RHOH: variants seen among roughly 807,000 people sequenced by gnomAD.
RHOH encodes rho-related GTP-binding protein RhoH.
In RHOH, 6 loss-of-function variants were observed where a neutral mutation model predicts 13.8. The observed-to-expected ratio is 0.44, with a 90% CI of 0.24 to 0.86. The LOEUF (loss-of-function observed/expected upper bound fraction) is 0.86, where lower values mean the gene tolerates loss of function less well. RHOH is among the 40% of genes least tolerant of loss of function. The pLI is 0.24. For synonymous variants in RHOH, 117 were observed against 103.0 expected, an observed-to-expected ratio of 1.14 and a Z score of -0.82; for missense variants, 147 against 244.5, an observed-to-expected ratio of 0.60 and a Z score of 2.66.
At chr4:40,209,148 T>G (rs999422888) in intron 1 of RHOH, among the ~76,000 whole-genome samples, 5 of 152,238 alleles carry the variant, frequency 3.3e-5, no homozygotes, top group African/African-American at 1.2e-4. Flanking sequence ...TTTCTGACAT[T>G]TTGAAAGAAA....
chr4:40,199,606 C>A (rs1723702530), intron 1 of RHOH, among the ~76,000 whole-genome samples: 1 of 152,222 alleles, frequency 6.6e-6, no homozygotes, highest in Non-Finnish European at 1.5e-5. Context: ...ACGTCGCTCT[C>A]TGAACGCTTG....
At chr4:40,238,921 C>T (rs1038913264) in intron 1 of RHOH, among the ~76,000 whole-genome samples, 1 of 152,176 alleles carries the variant, frequency 6.6e-6, no homozygotes, top group Non-Finnish European at 1.5e-5. Flanking sequence ...ATCAGACTCA[C>T]ATGCTGATGA....
intron 1 of RHOH, among the ~76,000 whole-genome samples, chr4:40,231,721 G>C (rs187275038): frequency 6.6e-6 from 1 of 152,290 alleles, no homozygotes; most frequent in African/African-American, 2.4e-5. Context: ...CATCTGCTCT[G>C]GATAAAGTCA....
chr4:40,207,784 T>C (rs962620739), intron 1 of RHOH, among the ~76,000 whole-genome samples: 4 of 152,128 alleles, frequency 2.6e-5, no homozygotes, highest in Non-Finnish European at 5.9e-5. Flanking sequence ...CTGGCCAACA[T>C]AGTGAAACCT....
upstream of RHOH, among the ~76,000 whole-genome samples, chr4:40,194,135 T>G (rs910447769): frequency 1.3e-5 from 2 of 152,194 alleles, no homozygotes; most frequent in African/African-American, 4.8e-5. Context: ...TTTTGAACTC[T>G]TTGCCTCTTT....
intron 1 of RHOH, among the ~76,000 whole-genome samples, chr4:40,214,845 C>T (rs1725689617): frequency 6.6e-6 from 1 of 152,096 alleles, no homozygotes; most frequent in African/African-American, 2.4e-5. Flanking sequence ...ACTCTGAGTC[C>T]CTGTTGACCA....
At chr4:40,236,047 A>G (rs565191166) in intron 1 of RHOH, among the ~76,000 whole-genome samples, 2 of 152,096 alleles carry the variant, frequency 1.3e-5, no homozygotes, top group African/African-American at 4.8e-5. Context: ...CTGGGTCTGC[A>G]TAGAAAACAA....
In RHOH at chr4:40,197,202, C is replaced by T. The variant is rs745361519; in HGVS notation, c.-429C>T. On this transcript the variant is annotated 5_prime_UTR_variant, in exon 1 of 3. Coordinates refer to ENST00000381799, the MANE Select transcript of RHOH (RefSeq NM_004310.5). ...GAGGAAATCAACCACAGTGAAAAGG[C>T]TTGGGCCGCTTTTGTTTTCACCTGC... The T allele has an allele frequency of 2.0e-5, 3 of 152,210 alleles. No homozygotes were observed. Among genetic ancestry groups the T allele is most frequent in the Non-Finnish European group, 2.9e-5 (2 of 68,050 alleles). 9.4% of individuals were successfully genotyped at this position (152,210 alleles called of 1,614,324 possible).
upstream of RHOH, among the ~76,000 whole-genome samples, chr4:40,192,274 T>C (rs1342149400): frequency 6.6e-6 from 1 of 152,224 alleles, no homozygotes; most frequent in Admixed American, 6.5e-5. Context: ...ATTACCTATC[T>C]TCACAACTCA....
chr4:40,226,363 C>T (rs1374591415), intron 1 of RHOH, among the ~76,000 whole-genome samples: 1 of 151,740 alleles, frequency 6.6e-6, no homozygotes, highest in African/African-American at 2.4e-5. Flanking sequence ...CCCATCTCTA[C>T]TAAAAATACA....
At chr4:40,196,417 A>G (rs546168760), upstream of RHOH, among the ~76,000 whole-genome samples, 5 of 152,184 alleles carry the variant, frequency 3.3e-5, no homozygotes, top group Non-Finnish European at 7.4e-5. Flanking sequence ...TTGTGTTTTT[A>G]GGCAAATAAT....
At chr4:40,217,928 C>A (rs947519279) in intron 1 of RHOH, 1 of 152,188 alleles carries the variant, frequency 6.6e-6, no homozygotes, top group African/African-American at 2.4e-5. Flanking sequence ...AACCTAGTGA[C>A]AGCCACAAAT....
intron 1 of RHOH, among the ~76,000 whole-genome samples, chr4:40,226,975 A>G (rs1727320669): frequency 6.6e-6 from 1 of 152,150 alleles, no homozygotes; most frequent in Admixed American, 6.5e-5. Context: ...CCTGGCCAAC[A>G]TGGCGAAATC....
At chr4:40,191,085 TCA>T, upstream of RHOH, 1 of 152,180 alleles carries the variant, frequency 6.6e-6, no homozygotes, top group South Asian at 2.1e-4. Flanking sequence ...ACCTTCTTCT[TCA>T]CTCTTCACGC....
At chr4:40,227,753 G>C (rs1201687144) in intron 1 of RHOH, among the ~76,000 whole-genome samples, 1 of 152,102 alleles carries the variant, frequency 6.6e-6, no homozygotes, top group African/African-American at 2.4e-5. Context: ...TGACCGTCTT[G>C]CTGGAAAAGT....
intron 1 of RHOH, among the ~76,000 whole-genome samples, chr4:40,226,061 G>T (rs1727191823): frequency 6.6e-6 from 1 of 152,084 alleles, no homozygotes; most frequent in Non-Finnish European, 1.5e-5. Flanking sequence ...TGTGTTTATT[G>T]TTATCCTTAT....
chr4:40,220,430 G>A (rs1726416043), intron 1 of RHOH, among the ~76,000 whole-genome samples: 1 of 152,068 alleles, frequency 6.6e-6, no homozygotes, highest in East Asian at 1.9e-4. Flanking sequence ...AGAACATTGC[G>A]TCTCCTCTCT....
chr4:40,207,595 C>A (rs1293077165), intron 1 of RHOH, among the ~76,000 whole-genome samples: 2 of 152,192 alleles, frequency 1.3e-5, no homozygotes, highest in Non-Finnish European at 2.9e-5. Context: ...CCAGGAAAGA[C>A]CCATCACACA....
intron 1 of RHOH, among the ~76,000 whole-genome samples, chr4:40,216,643 T>A (rs928341703): frequency 3.3e-5 from 5 of 152,196 alleles, no homozygotes; most frequent in Middle Eastern, 3.2e-3. Context: ...ACAAGATCTT[T>A]TTAGGGCAAG....
Sources: allele counts gnomAD v4.1 joint callset (sites outside exome capture counted in the v4.1 genomes callset), GRCh38; gene constraint gnomAD v4.1.1; transcripts MANE v1.5; gene names NCBI Gene and HGNC (gene_info 2026-07-23, HGNC 2026-07-21).